Variants in ERBB4 observed in about 807,000 individuals in gnomAD.
ERBB4 encodes the protein erb-b2 receptor tyrosine kinase 4.
ERBB4 carries 42 observed loss-of-function variants against 158.0 expected under a neutral mutation model. That is an observed-to-expected ratio of 0.27 (90% CI 0.21 to 0.34). The LOEUF is 0.34. ERBB4 is among the 10% of genes least tolerant of loss of function. ERBB4 has a pLI of 1.00. For synonymous variants in ERBB4, 583 were observed against 558.7 expected, an observed-to-expected ratio of 1.04 and a Z score of -0.61; for missense variants, 1,333 against 1,624.1, an observed-to-expected ratio of 0.82 and a Z score of 3.08.
intron 3 of ERBB4, among the ~76,000 whole-genome samples, chr2:211,826,155 C>G (rs1477710891): frequency 1.3e-5 from 2 of 151,258 alleles, no homozygotes; most frequent in Admixed American, 6.6e-5. Flanking sequence ...CAATGTATTT[C>G]AAAAACATTT....
chr2:212,022,700 TA>T (rs2076683445), intron 2 of ERBB4, among the ~76,000 whole-genome samples: 1 of 152,066 alleles, frequency 6.6e-6, no homozygotes, highest in South Asian at 2.1e-4. Context: ...ATAAAAAACA[TA>T]AAAAACTATA....
At chr2:212,408,328 G>A (rs140788486) in intron 1 of ERBB4, among the ~76,000 whole-genome samples, 1,864 of 152,008 alleles carry the variant, frequency 0.012, 35 homozygotes, top group African/African-American at 0.042. Context: ...ACTTATAAGC[G>A]AGAACATGCG....
intron 3 of ERBB4, among the ~76,000 whole-genome samples, chr2:211,810,662 C>CTTTTTTTTT (rs59305629): frequency 2.0e-5 from 2 of 101,512 alleles, no homozygotes; most frequent in Non-Finnish European, 3.6e-5. Context: ...CAGTCTCTGT[C>CTTTTTTTTT]TTTTTTTTTT....
rs150312098 is a variant in ERBB4 at position 211,878,652 on chromosome 2, G to GTT, written c.421+68776_421+68777dup. Among the ~76,000 whole-genome samples, 79 of 99,146 alleles carry GTT rather than the reference G, an allele frequency of 8.0e-4. 1 individual carries two copies. Among genetic ancestry groups the GTT allele is most frequent in the South Asian group, 2.0e-3 (5 of 2,492 alleles). The allele number at this position is 99,146 out of a possible 152,430, so 65.0% of individuals were successfully genotyped here. On this transcript the variant is annotated intron_variant, in intron 3 of 27. Transcript: ENST00000342788. ...AGGAAAAAAAATTAAGACAAATTAA[G>GTT]TTTTGTTTTTTTTTTTTTCCTTGAG...
At chr2:211,586,093 T>C (rs1230719176) in intron 19 of ERBB4, among the ~76,000 whole-genome samples, 1 of 152,116 alleles carries the variant, frequency 6.6e-6, no homozygotes, top group Admixed American at 6.5e-5. Context: ...AGATAAATAA[T>C]CAAATTCAAT....
At chr2:211,691,596 GTGTGTGTA>G (rs994188896) in intron 12 of ERBB4, among the ~76,000 whole-genome samples, 12 of 143,676 alleles carry the variant, frequency 8.4e-5, no homozygotes, top group South Asian at 2.1e-4. Context: ...GTGTGTGTGT[GTGTGTGTA>G]TATATATAAC....
intron 1 of ERBB4, among the ~76,000 whole-genome samples, chr2:212,439,701 T>C (rs1281036830): frequency 6.6e-6 from 1 of 152,132 alleles, no homozygotes; most frequent in Non-Finnish European, 1.5e-5. Context: ...AAGAAAGTTT[T>C]TGGTTTAATA....
intron 2 of ERBB4, among the ~76,000 whole-genome samples, chr2:212,032,588 AC>A (rs2125352436): frequency 6.6e-6 from 1 of 152,212 alleles, no homozygotes; most frequent in African/African-American, 2.4e-5. Context: ...CAAATGGAAT[AC>A]TTTATATGTG....
chr2:212,239,276 C>T (rs2083995339), intron 1 of ERBB4, among the ~76,000 whole-genome samples: 1 of 152,090 alleles, frequency 6.6e-6, no homozygotes. Context: ...CTCCTGGGCT[C>T]AAATAATCCT....
chr2:212,155,976 T>C (rs1168456384), intron 1 of ERBB4, among the ~76,000 whole-genome samples: 3 of 152,128 alleles, frequency 2.0e-5, no homozygotes, highest in Non-Finnish European at 4.4e-5. Context: ...TCCTTTGTAA[T>C]CTCATGCATT....
intron 2 of ERBB4, among the ~76,000 whole-genome samples, chr2:212,086,866 C>T (rs1031426472): frequency 6.6e-6 from 1 of 151,842 alleles, no homozygotes; most frequent in African/African-American, 2.4e-5. Context: ...AGGAGAACAC[C>T]TTTTCCAAAG....
chr2:211,611,418 T>TGCTTTCGCTTTACTTTG, intron 19 of ERBB4, among the ~76,000 whole-genome samples: 1 of 152,232 alleles, frequency 6.6e-6, no homozygotes, highest in Admixed American at 6.5e-5. Flanking sequence ...GCTTTACTTT[T>TGCTTTCGCTTTACTTTG]GCTTTCGCTT....
chr2:211,800,186 T>G (rs1045278890), intron 3 of ERBB4, among the ~76,000 whole-genome samples: 1 of 152,202 alleles, frequency 6.6e-6, no homozygotes, highest in Non-Finnish European at 1.5e-5. Flanking sequence ...TCTGTCTGCC[T>G]GGCTCCACAG....
At chr2:211,585,299 C>T (rs896021331) in intron 19 of ERBB4, among the ~76,000 whole-genome samples, 1 of 137,332 alleles carries the variant, frequency 7.3e-6, no homozygotes. Flanking sequence ...TTGTAGTGAG[C>T]GGAGATTGTG....
intron 25 of ERBB4, among the ~76,000 whole-genome samples, chr2:211,412,458 C>T (rs899689507): frequency 6.6e-6 from 1 of 152,080 alleles, no homozygotes; most frequent in Non-Finnish European, 1.5e-5. Flanking sequence ...CTTTTTATAA[C>T]CTCTTAAACT....
chr2:212,492,316 G>A (rs116014352), intron 1 of ERBB4, among the ~76,000 whole-genome samples: 2,119 of 151,164 alleles, frequency 0.014, 42 homozygotes, highest in African/African-American at 0.049. Context: ...ATCATACAGT[G>A]CTTAATGACC....
At chr2:211,801,348 C>T (rs767243552) in intron 3 of ERBB4, among the ~76,000 whole-genome samples, 8 of 152,004 alleles carry the variant, frequency 5.3e-5, no homozygotes, top group South Asian at 2.1e-4. Flanking sequence ...CAATATCATA[C>T]GAGAACTGAA....
chr2:211,799,481 T>C (rs944762455), intron 3 of ERBB4, among the ~76,000 whole-genome samples: 1 of 152,176 alleles, frequency 6.6e-6, no homozygotes, highest in Non-Finnish European at 1.5e-5. Context: ...TGCCAGATGG[T>C]TTAGTCCACT....
At chr2:211,390,875 GT>G (rs2062785562) in intron 25 of ERBB4, among the ~76,000 whole-genome samples, 1 of 152,096 alleles carries the variant, frequency 6.6e-6, no homozygotes, top group Non-Finnish European at 1.5e-5. Flanking sequence ...AGCATTCATT[GT>G]TTTTAGGGCT....
Sources: allele counts gnomAD v4.1 joint callset (sites outside exome capture counted in the v4.1 genomes callset), GRCh38; gene constraint gnomAD v4.1.1; transcripts MANE v1.5; gene names NCBI Gene and HGNC (gene_info 2026-07-23, HGNC 2026-07-21).